GLI3: variants seen among roughly 807,000 people sequenced by gnomAD.
The protein encoded by GLI3 is GLI family zinc finger 3, also known as transcription activator GLI3.
A neutral mutation model predicts 100.8 loss-of-function variants in GLI3; 20 were observed. The observed-to-expected ratio is 0.20, with a 90% CI of 0.14 to 0.29. The LOEUF is 0.29. GLI3 is among the 10% of genes least tolerant of loss of function. The probability of loss-of-function intolerance (pLI) is 1.00; values close to 1 mark genes in which losing one functional copy is unlikely to be tolerated. For synonymous variants in GLI3, 938 were observed against 860.5 expected (o/e 1.09, Z -1.58); for missense variants, 2,040 against 2,128.5 (o/e 0.96, Z 0.82).
chr7:42,134,054 C>T lies in GLI3; in HGVS notation c.367+14172G>A, dbSNP rs1457827837. 4.8e-5 allele frequency among the ~76,000 whole-genome samples: 7 copies of T among 146,022 alleles called. No individual in the cohort carries two copies. The East Asian group carries it at 1.2e-3, about 25-fold the overall frequency. ...CGAGATTGTGCCACTGCACTCCAGCCTGGGCAACAGAGCGAGACTCTGTCT... is the reference window on the plus strand; with the variant it reads ...CGAGATTGTGCCACTGCACTCCAGCTTGGGCAACAGAGCGAGACTCTGTCT... On this transcript the variant is annotated intron_variant, in intron 3 of 14. Coordinates refer to ENST00000395925, the MANE Select transcript of GLI3 (RefSeq NM_000168.6).
chr7:42,192,497 A>T (rs1787847484), intron 2 of GLI3, among the ~76,000 whole-genome samples: 1 of 152,254 alleles, frequency 6.6e-6, no homozygotes, highest in African/African-American at 2.4e-5. Flanking sequence ...AAAACAGCTC[A>T]TGTATTAAAG....
chr7:42,070,496 C>T (rs953304637), intron 4 of GLI3, among the ~76,000 whole-genome samples: 4 of 152,140 alleles, frequency 2.6e-5, no homozygotes, highest in African/African-American at 9.7e-5. Flanking sequence ...GAGTCTGATG[C>T]CTGGGTTAAC....
At chr7:41,976,665 C>T (rs1031268576) in intron 12 of GLI3, among the ~76,000 whole-genome samples, 1 of 152,180 alleles carries the variant, frequency 6.6e-6, no homozygotes, top group Non-Finnish European at 1.5e-5. Flanking sequence ...ACTGATGACA[C>T]GCTGTGGTGC....
chr7:42,085,780 G>C (rs1351929728), intron 3 of GLI3, among the ~76,000 whole-genome samples: 1 of 152,168 alleles, frequency 6.6e-6, no homozygotes, highest in African/African-American at 2.4e-5. Flanking sequence ...AGAGATTGTC[G>C]GGGCTCAGGC....
chr7:41,966,484 G>T lies in GLI3; in HGVS notation c.2589C>A (p.Arg863=). 1 of 1,612,862 alleles carries T rather than the reference G, an allele frequency of 6.2e-7. No individual in the cohort carries two copies. The highest frequency in any genetic ancestry group is 8.5e-7 in the Non-Finnish European group (1 of 1,179,776). ...TISSAYLSSR[R]SSGISPCFSS... ...AGAAGCAGGGCGAGATCCCTGAGGAGCGGCGGCTGCTCAGGTAGGCCGAGC... is the reference window on the plus strand; with the variant it reads ...AGAAGCAGGGCGAGATCCCTGAGGATCGGCGGCTGCTCAGGTAGGCCGAGC... Residue 863 remains arginine, a synonymous_variant, in exon 15 of 15, where the codon CGC becomes CGA. Coordinates refer to ENST00000395925, the MANE Select transcript of GLI3 (RefSeq NM_000168.6). This position sits in a 1 kb window ranked among gnomAD's most constrained non-coding sequence, Gnocchi z 5.8.
chr7:42,201,062 T>C (rs993891567), intron 2 of GLI3, among the ~76,000 whole-genome samples: 4 of 152,180 alleles, frequency 2.6e-5, no homozygotes, highest in Non-Finnish European at 2.9e-5. Flanking sequence ...GAATCCTGTA[T>C]ACACTAAGTT....
chr7:42,076,670 C>T, intron 4 of GLI3, 82 bp downstream of exon 4: 2 of 851,924 alleles, frequency 2.3e-6, no homozygotes, highest in Non-Finnish European at 4.1e-6. Context: ...GCCCAGTGGA[C>T]ATGCCATTAA....
chr7:42,009,151 T>C (rs1363124585), intron 10 of GLI3, among the ~76,000 whole-genome samples: 2 of 152,230 alleles, frequency 1.3e-5, no homozygotes, highest in African/African-American at 4.8e-5. Context: ...CACAACCATC[T>C]TCCTCTGCCT....
intron 1 of GLI3, among the ~76,000 whole-genome samples, chr7:42,249,257 T>TA (rs1482277736): frequency 1.3e-5 from 2 of 152,178 alleles, no homozygotes; most frequent in Non-Finnish European, 2.9e-5. Flanking sequence ...AAAGCAGTCA[T>TA]AGAGCATACA....
At chr7:42,141,223 T>A (rs1786560367) in intron 3 of GLI3, among the ~76,000 whole-genome samples, 1 of 152,206 alleles carries the variant, frequency 6.6e-6, no homozygotes, top group Non-Finnish European at 1.5e-5. Context: ...ACAAACATCA[T>A]GCTCCCCTTA....
At chr7:42,020,314 G>A (rs566012126) in intron 10 of GLI3, among the ~76,000 whole-genome samples, 1 of 152,294 alleles carries the variant, frequency 6.6e-6, no homozygotes, top group South Asian at 2.1e-4. Context: ...TTCCAACCGT[G>A]CAGCTCAACG....
intron 10 of GLI3, among the ~76,000 whole-genome samples, chr7:42,002,160 C>A (rs1788321453): frequency 6.6e-6 from 1 of 152,072 alleles, no homozygotes; most frequent in African/African-American, 2.4e-5. Flanking sequence ...GACTCATTGC[C>A]ACCCACTTTA....
At chr7:42,245,747 A>G (rs940542925) in intron 1 of GLI3, among the ~76,000 whole-genome samples, 1 of 152,146 alleles carries the variant, frequency 6.6e-6, no homozygotes, top group African/African-American at 2.4e-5. Context: ...AGAGAATTAA[A>G]TATAATAATA....
At chr7:42,193,636 C>T (rs1012509471) in intron 2 of GLI3, among the ~76,000 whole-genome samples, 3 of 152,246 alleles carry the variant, frequency 2.0e-5, no homozygotes, top group African/African-American at 7.2e-5. Context: ...TCTGAACACC[C>T]ACATCCACCC....
In GLI3 at chr7:41,977,570, C is replaced by A. The variant is rs138445547; in HGVS notation, c.1800G>T (p.Thr600=). ...TGAGGATGCTTACCTCATTGGAATG[C>A]GTTCTGTTTTGGTGTTTGGCGCGAT... The part of the protein sequence containing the change: ...ASDRAKHQNR[T]HSNEKPYVCK... The change falls in exon 12 of 15, where the codon ACG becomes ACT. Residue 600 remains threonine, a synonymous_variant. Transcript: ENST00000395925. The A allele has an allele frequency of 8.1e-6, 13 of 1,614,004 alleles. No homozygotes were observed. Among genetic ancestry groups the A allele is most frequent in the African/African-American group, 1.3e-5 (1 of 74,930 alleles).
intron 13 of GLI3, among the ~76,000 whole-genome samples, chr7:41,970,493 T>A (rs938731733): frequency 1.3e-5 from 2 of 151,868 alleles, no homozygotes; most frequent in Non-Finnish European, 1.5e-5. Flanking sequence ...TGGTTCTAGG[T>A]TGGTGCCAAA....
chr7:42,152,833 A>G (rs1006484613), intron 2 of GLI3, among the ~76,000 whole-genome samples: 2 of 152,212 alleles, frequency 1.3e-5, no homozygotes, highest in Non-Finnish European at 2.9e-5. Flanking sequence ...TATTGCCACT[A>G]GCAGGATTGT....
chr7:42,250,267 C>T (rs751822530), intron 1 of GLI3, among the ~76,000 whole-genome samples: 4 of 152,072 alleles, frequency 2.6e-5, no homozygotes, highest in Non-Finnish European at 4.4e-5. Flanking sequence ...TTGCTATTTT[C>T]ACTCCTTAAA....
At chr7:42,251,487 G>C (rs2128710420) in intron 1 of GLI3, among the ~76,000 whole-genome samples, 1 of 152,286 alleles carries the variant, frequency 6.6e-6, no homozygotes, top group South Asian at 2.1e-4. Flanking sequence ...TGGGGGAGTG[G>C]CTGGGGACCC....
Sources: allele counts gnomAD v4.1 joint callset (sites outside exome capture counted in the v4.1 genomes callset), GRCh38; gene constraint gnomAD v4.1.1; non-coding constraint Gnocchi (gnomAD v3.1); transcripts MANE v1.5; gene names NCBI Gene and HGNC (gene_info 2026-07-23, HGNC 2026-07-21).